The following KCNIP1 variants were observed in gnomAD, a reference collection of about 807,000 sequenced individuals.
KCNIP1 encodes the protein potassium voltage-gated channel interacting protein 1.
A neutral mutation model predicts 33.0 loss-of-function variants in KCNIP1; 18 were observed. The observed-to-expected ratio is 0.55, with a 90% CI of 0.38 to 0.81. KCNIP1 has a LOEUF of 0.81. Ranked by LOEUF, KCNIP1 falls within the 30% of genes least tolerant of loss-of-function variation. KCNIP1 has a pLI of 0.00. For missense variants in KCNIP1, 238 were observed against 271.6 expected (o/e 0.88, Z 0.87); for synonymous variants, 93 against 98.3 (o/e 0.95, Z 0.32).
intron 1 of KCNIP1, among the ~76,000 whole-genome samples, chr5:170,577,849 G>T (rs1312233718): frequency 3.3e-5 from 5 of 152,220 alleles, no homozygotes; most frequent in Non-Finnish European, 5.9e-5. Context: ...ATGTTTGTAA[G>T]TCAAGAGCTT....
upstream of KCNIP1, among the ~76,000 whole-genome samples, chr5:170,500,840 T>C (rs1404006670): frequency 2.0e-5 from 3 of 152,208 alleles, no homozygotes; most frequent in African/African-American, 7.2e-5. Context: ...GGTAGATACA[T>C]GAATGAATGA....
intron 5 of KCNIP1, among the ~76,000 whole-genome samples, chr5:170,731,226 T>C (rs1031412770): frequency 2.0e-5 from 3 of 152,192 alleles, no homozygotes; most frequent in African/African-American, 4.8e-5. Context: ...CTCAACACTA[T>C]GTAACTCCCT....
intron 1 of KCNIP1, among the ~76,000 whole-genome samples, chr5:170,654,019 A>C (rs1761162138): frequency 6.6e-6 from 1 of 152,096 alleles, no homozygotes; most frequent in African/African-American, 2.4e-5. Context: ...CAAAGGTCAC[A>C]CCATCCTTTT....
chr5:170,563,044 C>T (rs868722331), intron 1 of KCNIP1, among the ~76,000 whole-genome samples: 56 of 152,318 alleles, frequency 3.7e-4, no homozygotes, highest in Middle Eastern at 6.8e-3. Flanking sequence ...AGATCTAGTT[C>T]CCCTCGTACG....
At chr5:170,607,583 ACT>A (rs1267240199) in intron 1 of KCNIP1, among the ~76,000 whole-genome samples, 1 of 152,042 alleles carries the variant, frequency 6.6e-6, no homozygotes, top group Non-Finnish European at 1.5e-5. Flanking sequence ...AATCTGTCTG[ACT>A]CTAAAGTTCA....
intron 1 of KCNIP1, among the ~76,000 whole-genome samples, chr5:170,497,121 C>T (rs1004624196): frequency 1.3e-5 from 2 of 152,140 alleles, no homozygotes; most frequent in Admixed American, 1.3e-4. Flanking sequence ...GAGCCCTGCT[C>T]AGGTGTGATG....
At chr5:170,614,714 T>C (rs1170404215) in intron 1 of KCNIP1, among the ~76,000 whole-genome samples, 1 of 152,222 alleles carries the variant, frequency 6.6e-6, no homozygotes, top group Admixed American at 6.5e-5. Context: ...AGGAAACAAA[T>C]GCTCTTTGCA....
intron 1 of KCNIP1, among the ~76,000 whole-genome samples, chr5:170,682,166 G>A (rs1472825663): frequency 6.6e-6 from 1 of 152,198 alleles, no homozygotes; most frequent in African/African-American, 2.4e-5. Flanking sequence ...TGAAGTGTAA[G>A]ATGAGGTAAG....
intron 1 of KCNIP1, among the ~76,000 whole-genome samples, chr5:170,612,201 C>A (rs931233072): frequency 3.3e-5 from 5 of 152,172 alleles, no homozygotes; most frequent in African/African-American, 1.2e-4. Context: ...GCACGAGGGG[C>A]CAGAAAACAC....
At chr5:170,554,259 A>T (rs1482968678) in intron 1 of KCNIP1, among the ~76,000 whole-genome samples, 1 of 152,178 alleles carries the variant, frequency 6.6e-6, no homozygotes, top group Non-Finnish European at 1.5e-5. Flanking sequence ...GTGGCCCAGA[A>T]TGGGGACTGG....
At chr5:170,370,579 C>T in intron 1 of KCNIP1, among the ~76,000 whole-genome samples, 1 of 152,216 alleles carries the variant, frequency 6.6e-6, no homozygotes, top group East Asian at 1.9e-4. Flanking sequence ...TCAAACAAGT[C>T]CTGAGAGAGT....
chr5:170,405,791 T>A (rs1242692188), intron 1 of KCNIP1, among the ~76,000 whole-genome samples: 1 of 152,186 alleles, frequency 6.6e-6, no homozygotes, highest in Non-Finnish European at 1.5e-5. Flanking sequence ...CACCCTGAGC[T>A]GGGGAGCAGG....
chr5:170,574,490 T>G (rs1334105045), intron 1 of KCNIP1, among the ~76,000 whole-genome samples: 1 of 152,200 alleles, frequency 6.6e-6, no homozygotes, highest in Non-Finnish European at 1.5e-5. Flanking sequence ...GCAAAAGTTG[T>G]CAGGAGCACC....
chr5:170,388,290 G>A (rs966977628), intron 1 of KCNIP1, among the ~76,000 whole-genome samples: 5 of 152,236 alleles, frequency 3.3e-5, no homozygotes, highest in South Asian at 2.1e-4. Context: ...AAGACCATGC[G>A]TGGGGTTCAG....
chr5:170,462,277 A>T (rs1404064331), intron 1 of KCNIP1, among the ~76,000 whole-genome samples: 1 of 146,932 alleles, frequency 6.8e-6, no homozygotes, highest in African/African-American at 2.5e-5. Flanking sequence ...AAAAAAAAAA[A>T]AAAAAAAACT....
intron 1 of KCNIP1, among the ~76,000 whole-genome samples, chr5:170,431,873 G>T (rs1057153855): frequency 1.3e-5 from 2 of 152,190 alleles, no homozygotes; most frequent in African/African-American, 4.8e-5. Flanking sequence ...TTCTGTCTCT[G>T]CCTCTCCACT....
intron 1 of KCNIP1, among the ~76,000 whole-genome samples, chr5:170,443,635 C>T (rs1756043799): frequency 6.6e-6 from 1 of 152,214 alleles, no homozygotes; most frequent in African/African-American, 2.4e-5. Flanking sequence ...TTCCTGCCAC[C>T]ACTCCTGTCC....
chr5:170,668,972 G>A (rs116087826), intron 1 of KCNIP1, among the ~76,000 whole-genome samples: 1 of 152,144 alleles, frequency 6.6e-6, no homozygotes, highest in African/African-American at 2.4e-5. Context: ...CCTTCTTGGG[G>A]AACCCTTCCT....
chr5:170,536,083 T>C lies in KCNIP1; in HGVS notation c.61+31450T>C, dbSNP rs148003073. Reference sequence around the variant, plus strand: ...AGGATTTTGTTTGTTCCCCATAGTATCCCCAGTGCCTCACACATGGTAAGC... The same window carrying C: ...AGGATTTTGTTTGTTCCCCATAGTACCCCCAGTGCCTCACACATGGTAAGC... On this transcript the variant is annotated intron_variant, in intron 1 of 7. Coordinates refer to ENST00000328939, the MANE Select transcript of KCNIP1 (RefSeq NM_014592.4). Among the ~76,000 whole-genome samples, 707 of 152,278 alleles carry C rather than the reference T, an allele frequency of 4.6e-3. 5 individuals carry two copies. The highest frequency in any genetic ancestry group is 0.016 in the African/African-American group (666 of 41,544).
Sources: gnomAD v4.1 joint callset for allele counts (sites outside exome capture counted in the v4.1 genomes callset) on GRCh38, gnomAD v4.1.1 for gene constraint, MANE v1.5 for transcripts, NCBI Gene and HGNC (gene_info 2026-07-23, HGNC 2026-07-21) for gene names.